ATP9A: variants seen among roughly 807,000 people sequenced by gnomAD.
ATP9A encodes ATPase phospholipid transporting 9A, also known as probable phospholipid-transporting ATPase IIA.
A neutral mutation model predicts 144.1 loss-of-function variants in ATP9A; 52 were observed. That is an observed-to-expected ratio of 0.36 (90% CI 0.29 to 0.45). The LOEUF is 0.45. ATP9A is among the 20% of genes least tolerant of loss of function. The pLI, the probability that ATP9A is intolerant of heterozygous loss-of-function variation, is 1.00. For synonymous variants in ATP9A, 582 were observed against 557.4 expected, an observed-to-expected ratio of 1.04 and a Z score of -0.62; for missense variants, 947 against 1,392.7, an observed-to-expected ratio of 0.68 and a Z score of 5.09.
At chr20:51,649,623 C>A (rs116727560) in intron 14 of ATP9A, among the ~76,000 whole-genome samples, 1 of 152,306 alleles carries the variant, frequency 6.6e-6, no homozygotes, top group East Asian at 1.9e-4. Context: ...TGCTTAAAAT[C>A]GCACAGCTAG....
rs374988364 is a variant in ATP9A, at chr20:51,755,379, G to A, written c.68+12923C>T. Among the ~76,000 whole-genome samples, 29 of 152,070 alleles carry A rather than the reference G, an allele frequency of 1.9e-4. No individual in the cohort carries two copies. The East Asian group carries it at 4.8e-3, about 25-fold the overall frequency. On this transcript the variant is annotated intron_variant, in intron 1 of 27. Transcript: ENST00000338821. Reference sequence around the variant, plus strand: ...GAACCCAGGAGGCGGAGGTTGCAGGGAGCCAAGAACGCGCCTCTGCACTCC... The same window carrying A: ...GAACCCAGGAGGCGGAGGTTGCAGGAAGCCAAGAACGCGCCTCTGCACTCC...
At chr20:51,696,058 AATGGTT>A in intron 6 of ATP9A, 29 bp downstream of exon 6, 3 of 1,581,006 alleles carry the variant, frequency 1.9e-6, no homozygotes, top group Non-Finnish European at 2.6e-6. Context: ...CTGAAAGGTT[AATGGTT>A]ATTTTCCAAA....
chr20:51,737,097 CCTA>C (rs2077766008), intron 1 of ATP9A, among the ~76,000 whole-genome samples: 1 of 152,200 alleles, frequency 6.6e-6, no homozygotes, highest in South Asian at 2.1e-4. Context: ...CGCTCTCTCT[CCTA>C]CTAACGGGTA....
chr20:51,744,580 T>C (rs1165717580), intron 1 of ATP9A, among the ~76,000 whole-genome samples: 2 of 152,242 alleles, frequency 1.3e-5, no homozygotes, highest in Non-Finnish European at 2.9e-5. Flanking sequence ...TCATACAATC[T>C]GGCTGAAATG....
rs544865228 is a variant in ATP9A, at chr20:51,631,133, G to A, written c.1669-2061C>T. On this transcript the variant is annotated intron_variant, in intron 15 of 27. Coordinates refer to ENST00000338821, the MANE Select transcript of ATP9A (RefSeq NM_006045.3). ...CTCCTTTGGAGGCCACTTTGTCTAT[G>A]CAGCCCTTTCATGGAACAGAAATAT... 7.2e-5 allele frequency among the ~76,000 whole-genome samples: 11 copies of A among 152,328 alleles called. No individual in the cohort carries two copies. In the East Asian group the frequency reaches 1.2e-3, roughly 16 times the overall value.
chr20:51,624,502 AGT>A (rs1244324170), intron 18 of ATP9A, among the ~76,000 whole-genome samples: 1 of 152,090 alleles, frequency 6.6e-6, no homozygotes, highest in Non-Finnish European at 1.5e-5. Context: ...CTAATACGAC[AGT>A]GTGATGGCGC....
intron 27 of ATP9A, 93 bp downstream of exon 27, chr20:51,604,724 G>A (rs560234476): frequency 1.8e-5 from 22 of 1,194,910 alleles, no homozygotes; most frequent in Non-Finnish European, 2.2e-5. Context: ...CAGGCCGAGC[G>A]CTGGGAACCC....
chr20:51,694,525 C>T (rs2077562453), intron 6 of ATP9A, among the ~76,000 whole-genome samples: 1 of 152,202 alleles, frequency 6.6e-6, no homozygotes, highest in South Asian at 2.1e-4. Flanking sequence ...GGCTCTGCCA[C>T]GTAATAGCTT....
At chr20:51,693,879 A>G (rs1424630040) in intron 7 of ATP9A, 129 bp downstream of exon 7, 4 of 772,632 alleles carry the variant, frequency 5.2e-6, no homozygotes, top group Non-Finnish European at 8.6e-6. Context: ...GGGGCTCTCC[A>G]GGACCCCACG....
In ATP9A at chr20:51,599,177, G is replaced by A. The variant is rs770366212; in HGVS notation, c.*2034C>T. 9.9e-5 allele frequency: 15 copies of A among 152,192 alleles called. No homozygotes were observed. Among genetic ancestry groups the A allele is most frequent in the African/African-American group, 2.4e-4 (10 of 41,436 alleles). The allele number at this position is 152,192 out of a possible 1,614,324, so 9.4% of individuals were successfully genotyped here. On this transcript the variant is annotated 3_prime_UTR_variant, in exon 28 of 28. Transcript: ENST00000338821. ...CCCTGCCTGCAGGAGCCAGCATCCC[G>A]AATCTCCGAGCAAAGCCAGGTACAG...
At chr20:51,717,423 G>A (rs6126316) in intron 3 of ATP9A, among the ~76,000 whole-genome samples, 33,477 of 152,036 alleles carry the variant, frequency 0.22, 4,323 homozygotes, top group East Asian at 0.45. Context: ...TTCTGTAGCT[G>A]TTGGAAAGAG....
chr20:51,640,071 C>T (rs1322800783), intron 14 of ATP9A, among the ~76,000 whole-genome samples: 1 of 151,998 alleles, frequency 6.6e-6, no homozygotes, highest in Non-Finnish European at 1.5e-5. Flanking sequence ...GGTGACATAG[C>T]GAGACTCTGT....
intron 13 of ATP9A, among the ~76,000 whole-genome samples, chr20:51,661,941 TTGGA>T (rs1448880824): frequency 6.6e-6 from 1 of 152,170 alleles, no homozygotes; most frequent in Non-Finnish European, 1.5e-5. Flanking sequence ...CATTCTCAAC[TTGGA>T]TGATTTTGAC....
chr20:51,677,167 C>T (rs901660908), intron 9 of ATP9A, among the ~76,000 whole-genome samples: 2 of 151,776 alleles, frequency 1.3e-5, no homozygotes, highest in African/African-American at 4.8e-5. Flanking sequence ...TTCCTGGATT[C>T]AAGTGATCCT....
At chr20:51,637,592 A>G (rs561138644) in intron 15 of ATP9A, among the ~76,000 whole-genome samples, 5 of 152,260 alleles carry the variant, frequency 3.3e-5, no homozygotes, top group Non-Finnish European at 1.5e-5. Flanking sequence ...CTGAAGGAGA[A>G]GTTCACAAGC....
At position 51,728,196 on chromosome 20, in the gene ATP9A, T is replaced by C. The variant is rs1274374461; in HGVS notation, c.213+1638A>G. Among the ~76,000 whole-genome samples the C allele has an allele frequency of 4.6e-5, 7 of 152,252 alleles. No individual in the cohort carries two copies. In the South Asian group the frequency reaches 6.2e-4, roughly 14 times the overall value. ...TGGTGGCCACATAGTCCAGGTGCCA[T>C]ACCCAGGAAATGGAGGAGTGTGGCC... is the stretch of plus-strand genomic sequence containing the variant. On this transcript the variant is annotated intron_variant, in intron 2 of 27. Coordinates refer to ENST00000338821, the MANE Select transcript of ATP9A (RefSeq NM_006045.3).
chr20:51,597,221 G>T lies in ATP9A; in HGVS notation c.*3990C>A, dbSNP rs1006091324. 3 of 152,164 alleles carry T rather than the reference G, an allele frequency of 2.0e-5. No homozygotes were observed. Among genetic ancestry groups the T allele is most frequent in the Non-Finnish European group, 4.4e-5 (3 of 68,036 alleles). The allele number at this position is 152,164 out of a possible 1,614,324, so 9.4% of individuals were successfully genotyped here. A position where few individuals can be genotyped will look rare whatever the true frequency, so the allele number is the denominator to read the frequency against. On this transcript the variant is annotated 3_prime_UTR_variant, in exon 28 of 28. Coordinates refer to ENST00000338821, the MANE Select transcript of ATP9A (RefSeq NM_006045.3). ...ACAGATTCACGGGTAATGCCGCTTT[G>T]GCCTGAGAAGATGCTTCGGAGCTCC...
At chr20:51,719,300 C>T (rs967812515) in intron 3 of ATP9A, among the ~76,000 whole-genome samples, 5 of 151,852 alleles carry the variant, frequency 3.3e-5, no homozygotes, top group African/African-American at 9.7e-5. Context: ...ATACAGACCA[C>T]GAGGAAAAGG....
intron 14 of ATP9A, among the ~76,000 whole-genome samples, chr20:51,653,717 G>A (rs1015798598): frequency 1.3e-5 from 2 of 151,846 alleles, no homozygotes; most frequent in Non-Finnish European, 2.9e-5. Context: ...AACCCGGAAG[G>A]TGGAGGTTGC....
Sources: gnomAD v4.1 joint callset for allele counts (sites outside exome capture counted in the v4.1 genomes callset) on GRCh38, gnomAD v4.1.1 for gene constraint, MANE v1.5 for transcripts, NCBI Gene and HGNC (gene_info 2026-07-23, HGNC 2026-07-21) for gene names.